PUS7: variants seen among roughly 807,000 people sequenced by gnomAD.
The protein encoded by PUS7 is pseudouridylate synthase 7 homolog.
PUS7 carries 48 observed loss-of-function variants against 79.8 expected under a neutral mutation model. The ratio of observed to expected loss-of-function variants is 0.60; its 90% CI spans 0.48 to 0.76. The LOEUF is 0.76. Ranked by LOEUF, PUS7 falls within the 30% of genes least tolerant of loss-of-function variation. The pLI is 0.00. For missense variants in PUS7, 729 were observed against 797.6 expected (o/e 0.91, Z 1.04); for synonymous variants, 286 against 272.2 (o/e 1.05, Z -0.50).
chr7:105,475,672 AT>A (rs1824078562), intron 9 of PUS7, among the ~76,000 whole-genome samples: 1 of 151,896 alleles, frequency 6.6e-6, no homozygotes, highest in African/African-American at 2.4e-5. Context: ...ACCTTCTTTT[AT>A]TTTATTGTGG....
At chr7:105,520,699 G>C (rs62486983) in intron 1 of PUS7, among the ~76,000 whole-genome samples, 23 of 152,034 alleles carry the variant, frequency 1.5e-4, no homozygotes, top group African/African-American at 5.3e-4. Flanking sequence ...TCCAGCCTGG[G>C]TGATGGAGTG....
At chr7:105,489,162 A>G (rs1824680035) in intron 7 of PUS7, among the ~76,000 whole-genome samples, 2 of 151,026 alleles carry the variant, frequency 1.3e-5, no homozygotes, top group Non-Finnish European at 3.0e-5. Flanking sequence ...AAAAAAAAAA[A>G]AAAAAAGAAA....
intron 5 of PUS7, among the ~76,000 whole-genome samples, chr7:105,495,782 A>G (rs993715953): frequency 2.6e-5 from 4 of 152,180 alleles, no homozygotes; most frequent in African/African-American, 9.7e-5. Flanking sequence ...TAATTAAAAA[A>G]AAGAACATAA....
chr7:105,475,283 TC>T (rs1824046033), intron 9 of PUS7, among the ~76,000 whole-genome samples: 1 of 152,200 alleles, frequency 6.6e-6, no homozygotes, highest in African/African-American at 2.4e-5. Context: ...CCTCCCGGGT[TC>T]ACGCCATTCT....
At chr7:105,489,350 C>A (rs1181842254) in intron 7 of PUS7, among the ~76,000 whole-genome samples, 4 of 151,952 alleles carry the variant, frequency 2.6e-5, no homozygotes, top group East Asian at 1.9e-4. Context: ...AGCCTTCAAA[C>A]CCCTGTCCCC....
At position 105,517,166 on chromosome 7, in the gene PUS7, C is replaced by CTTTTTTTTTTTTTTT. The variant is rs1289590315; in HGVS notation, c.-33+4885_-33+4886insAAAAAAAAAAAAAAA. On this transcript the variant is annotated intron_variant, in intron 1 of 15. Transcript: ENST00000469408. ...CCAAAACTTAAAATCCTTCACATTT[C>CTTTTTTTTTTTTTTT]TTTTTTTGGCGATGGAGTCTTACCC... is the stretch of plus-strand genomic sequence containing the variant. Among the ~76,000 whole-genome samples the CTTTTTTTTTTTTTTT allele has an allele frequency of 5.5e-5, 8 of 146,714 alleles. 1 individual carries two copies. Among genetic ancestry groups the CTTTTTTTTTTTTTTT allele is most frequent in the Non-Finnish European group, 7.6e-5 (5 of 65,790 alleles).
At chr7:105,480,170 C>A (rs1346988976) in intron 9 of PUS7, among the ~76,000 whole-genome samples, 1 of 151,968 alleles carries the variant, frequency 6.6e-6, no homozygotes, top group Non-Finnish European at 1.5e-5. Context: ...TTACCTGTTA[C>A]AAAATAAAAA....
At chr7:105,478,663 TG>T (rs1322203353) in intron 9 of PUS7, among the ~76,000 whole-genome samples, 1 of 152,246 alleles carries the variant, frequency 6.6e-6, no homozygotes, top group Non-Finnish European at 1.5e-5. Flanking sequence ...GTTGTCTTTC[TG>T]TTCTTGAGTT....
Position 105,495,234 on chromosome 7 carries a change from C to T in PUS7, c.750G>A (p.Trp250Ter). The T allele has an allele frequency of 1.2e-6, 2 of 1,608,982 alleles. No individual in the cohort carries two copies. The highest frequency in any genetic ancestry group is 1.7e-6 in the Non-Finnish European group (2 of 1,176,476). Residue 250 changes from tryptophan to a stop codon, truncating the protein, a stop_gained, in exon 6 of 16, where the codon TGG (tryptophan) becomes TGA (stop). Coordinates refer to ENST00000469408, the MANE Select transcript of PUS7 (RefSeq NM_019042.5). LOFTEE classifies it high-confidence loss of function. ...KALANPRKHS[W>*]PKSRGSYCHF... ...GGCAGTAACTTCCCCTAGATTTTGGCCAAGAATGTTTTCTTGGATCTTGAA... is the reference window on the plus strand; with the variant it reads ...GGCAGTAACTTCCCCTAGATTTTGGTCAAGAATGTTTTCTTGGATCTTGAA...
At chr7:105,491,320 C>T (rs1824770362) in intron 7 of PUS7, among the ~76,000 whole-genome samples, 1 of 151,988 alleles carries the variant, frequency 6.6e-6, no homozygotes, top group Admixed American at 6.5e-5. Flanking sequence ...GAGAAAGAAG[C>T]ATTATTCTCT....
intron 5 of PUS7, 85 bp downstream of exon 5, chr7:105,502,335 T>C: frequency 1.3e-6 from 2 of 1,521,716 alleles, no homozygotes; most frequent in Non-Finnish European, 1.8e-6. Flanking sequence ...TAGTAGCCCT[T>C]GAACACGAAC....
chr7:105,518,120 C>A (rs1487650718), intron 1 of PUS7, among the ~76,000 whole-genome samples: 1 of 151,774 alleles, frequency 6.6e-6, no homozygotes, highest in African/African-American at 2.4e-5. Flanking sequence ...TGCACTCCAG[C>A]CTGGGTGACA....
chr7:105,499,331 C>T (rs184186021), intron 5 of PUS7, among the ~76,000 whole-genome samples: 2 of 152,282 alleles, frequency 1.3e-5, no homozygotes, highest in East Asian at 1.9e-4. Flanking sequence ...TTGTACCTGT[C>T]TAGCTCTTCC....
intron 5 of PUS7, among the ~76,000 whole-genome samples, chr7:105,496,224 TATAG>T (rs1476390242): frequency 5.5e-3 from 466 of 83,984 alleles, no homozygotes; most frequent in South Asian, 0.02. Flanking sequence ...TATATATATA[TATAG>T]AGAGAGAGAG....
At chr7:105,494,630 G>A (rs1444969439) in intron 6 of PUS7, among the ~76,000 whole-genome samples, 1 of 151,764 alleles carries the variant, frequency 6.6e-6, no homozygotes, top group Non-Finnish European at 1.5e-5. Context: ...AGATGGTCTC[G>A]ATCTCTTGAC....
intron 5 of PUS7, among the ~76,000 whole-genome samples, chr7:105,495,645 T>A (rs779893924): frequency 2.0e-5 from 3 of 151,938 alleles, no homozygotes; most frequent in Non-Finnish European, 4.4e-5. Context: ...CTCAGATGGC[T>A]GAGGTGGGAG....
At chr7:105,475,397 G>A (rs147861958) in intron 9 of PUS7, among the ~76,000 whole-genome samples, 9,568 of 151,974 alleles carry the variant, frequency 0.063, 401 homozygotes, top group Non-Finnish European at 0.087. Context: ...GTGTTAGCCA[G>A]GATGGTCTCG....
At chr7:105,521,351 G>A (rs952706179) in intron 1 of PUS7, among the ~76,000 whole-genome samples, 1 of 152,216 alleles carries the variant, frequency 6.6e-6, no homozygotes, top group African/African-American at 2.4e-5. Flanking sequence ...AGGCAACGAA[G>A]GTGTGCTTCT....
rs139980512 is a variant in PUS7 at position 105,467,071 on chromosome 7, G to A, written c.1525+1266C>T. ...TTTTTTTTTTTTTTTTTAACTAGCTGTGGAACTTTGGGCAAGTGACTAAAC... is the reference window on the plus strand; with the variant it reads ...TTTTTTTTTTTTTTTTTAACTAGCTATGGAACTTTGGGCAAGTGACTAAAC... On this transcript the variant is annotated intron_variant, in intron 12 of 15. Coordinates refer to ENST00000469408, the MANE Select transcript of PUS7 (RefSeq NM_019042.5). Among the ~76,000 whole-genome samples the A allele has an allele frequency of 2.6e-4, 29 of 111,842 alleles. 1 individual carries two copies. In the Middle Eastern group the frequency reaches 0.035, roughly 136 times the overall value. 73.4% of individuals were successfully genotyped at this position (111,842 alleles called of 152,430 possible).
Sources: allele counts gnomAD v4.1 joint callset (sites outside exome capture counted in the v4.1 genomes callset), GRCh38; gene constraint gnomAD v4.1.1; transcripts MANE v1.5; gene names NCBI Gene and HGNC (gene_info 2026-07-23, HGNC 2026-07-21).